The following MORN4 variants were observed in gnomAD, a reference collection of about 807,000 sequenced individuals.
MORN4 encodes the protein MORN repeat-containing protein 4.
Under a neutral mutation model 16.4 loss-of-function variants are expected in MORN4, and 8 were observed. The ratio of observed to expected loss-of-function variants is 0.49; its 90% CI spans 0.29 to 0.88. The LOEUF (loss-of-function observed/expected upper bound fraction) is 0.88, where lower values mean the gene tolerates loss of function less well. MORN4 is among the 40% of genes least tolerant of loss of function. The probability of loss-of-function intolerance (pLI) is 0.09; values close to 1 mark genes in which losing one functional copy is unlikely to be tolerated. For missense variants in MORN4, 159 were observed against 182.9 expected (o/e 0.87, Z 0.75); for synonymous variants, 53 against 68.9 (o/e 0.77, Z 1.14).
chr10:97,619,612 C>T lies in MORN4; in HGVS notation c.42G>A (p.Glu14=), dbSNP rs776193787. 21 of 1,613,884 alleles carry T rather than the reference C, an allele frequency of 1.3e-5. No individual in the cohort carries two copies. The South Asian group carries it at 1.8e-4, about 13-fold the overall frequency. Residue 14 remains glutamate, a synonymous_variant, in exon 2 of 5, where the codon GAG becomes GAA. Coordinates refer to ENST00000307450, the MANE Select transcript of MORN4 (RefSeq NM_178832.4). ...CCTCCTTCCACTCGCCACGATATTC[C>T]TCCCCACTGGAGTAGGTGAAGGAAC... ...TKGSFTYSSG[E]EYRGEWKEGR... is the part of the protein sequence containing the mutation.
intron 1 of MORN4, among the ~76,000 whole-genome samples, chr10:97,626,018 C>T (rs934888939): frequency 2.0e-5 from 3 of 151,672 alleles, no homozygotes; most frequent in East Asian, 1.9e-4. Context: ...CCTTGGCCTC[C>T]GAAAGTGCTA....
In MORN4 at chr10:97,633,065, C is replaced by T. The variant is rs1457030353; in HGVS notation, c.-31+282G>A. 1.3e-5 allele frequency among the ~76,000 whole-genome samples: 2 copies of T among 152,298 alleles called. No individual in the cohort carries two copies. Among genetic ancestry groups the T allele is most frequent in the African/African-American group, 2.4e-5 (1 of 41,564 alleles). On this transcript the variant is annotated intron_variant, in intron 1 of 4. Transcript: ENST00000307450. The surrounding 1 kb of genome is among the most constrained non-coding windows in gnomAD (Gnocchi z 4.5). ...CCTGCTATCCGGGCCCGCTCTCCCGCCCGGCAGGGTCTAACGCTCACACAG... is the reference window on the plus strand; with the variant it reads ...CCTGCTATCCGGGCCCGCTCTCCCGTCCGGCAGGGTCTAACGCTCACACAG...
At chr10:97,620,087 A>C (rs986799926) in intron 1 of MORN4, among the ~76,000 whole-genome samples, 2 of 152,148 alleles carry the variant, frequency 1.3e-5, no homozygotes, top group Non-Finnish European at 2.9e-5. Flanking sequence ...TAATGTGATT[A>C]AGTGCCAACT....
chr10:97,633,595 CG>C (rs1479799123), upstream of MORN4: 1 of 1,289,302 alleles, frequency 7.8e-7, no homozygotes, highest in Non-Finnish European at 1.0e-6. This position sits in a 1 kb window ranked among gnomAD's most constrained non-coding sequence, Gnocchi z 4.5. Flanking sequence ...CATCTTTGTG[CG>C]GGGCCGAGTG....
In MORN4 at chr10:97,617,217, T is replaced by C. The variant is rs2041243829; in HGVS notation, c.173A>G (p.Asp58Gly). ...FNGFGVLTFS[D>G]GSRYEGEFAQ... ...ATGACCTCATACCCACCTTGAACCA[T>C]CTGAGAAGGTCAATACCCCAAAGCC... The change falls in exon 3 of 5, where the codon GAT becomes GGT. Residue 58 changes from aspartate (D) to glycine (G), a missense_variant. Transcript: ENST00000307450. 6.2e-7 allele frequency: 1 copy of C among 1,613,698 alleles called. No homozygotes were observed.
chr10:97,622,623 A>G (rs952040242), intron 1 of MORN4, among the ~76,000 whole-genome samples: 6 of 145,808 alleles, frequency 4.1e-5, no homozygotes, highest in East Asian at 2.2e-4. Context: ...TGAACCCAGG[A>G]GGCAGAAGTG....
chr10:97,627,229 C>T (rs1459184759), intron 1 of MORN4, among the ~76,000 whole-genome samples: 2 of 151,954 alleles, frequency 1.3e-5, no homozygotes, highest in South Asian at 2.1e-4. Context: ...CTGCAACCTT[C>T]GTCTCCTGGG....
chr10:97,616,295 C>T lies in MORN4; in HGVS notation c.409G>A (p.Ala137Thr), dbSNP rs150577682. 23 of 1,608,244 alleles carry T rather than the reference C, an allele frequency of 1.4e-5. No homozygotes were observed. Among genetic ancestry groups the T allele is most frequent in the South Asian group, 4.4e-5 (4 of 90,328 alleles). Residue 137 changes from alanine to threonine, a missense_variant, in exon 5 of 5, where the codon GCC (alanine) becomes ACC (threonine). Ala to Thr is a moderately conservative substitution (Grantham distance 58). Coordinates refer to ENST00000307450, the MANE Select transcript of MORN4 (RefSeq NM_178832.4). ...CSAIVQRAQS[A>T]SKSARNLTA Reference sequence around the variant, plus strand: ...GTGAGATTTCTGGCTGACTTGGAGGCGCTCTGGGCCCGCTGAACAATGGCA... The same window carrying T: ...GTGAGATTTCTGGCTGACTTGGAGGTGCTCTGGGCCCGCTGAACAATGGCA...
At chr10:97,626,524 C>G (rs1186539789) in intron 1 of MORN4, among the ~76,000 whole-genome samples, 1 of 148,802 alleles carries the variant, frequency 6.7e-6, no homozygotes, top group South Asian at 2.1e-4. Flanking sequence ...GGTGCAATGT[C>G]GGCTCACTGC....
chr10:97,623,659 C>T (rs2041323697), intron 1 of MORN4, among the ~76,000 whole-genome samples: 1 of 152,098 alleles, frequency 6.6e-6, no homozygotes, highest in Non-Finnish European at 1.5e-5. Context: ...CCTCCAATCC[C>T]CTCTTAGACT....
intron 2 of MORN4, among the ~76,000 whole-genome samples, chr10:97,618,250 C>A (rs1292127940): frequency 1.3e-5 from 2 of 148,724 alleles, no homozygotes; most frequent in Non-Finnish European, 3.0e-5. Flanking sequence ...TATGTGCCAG[C>A]CTCTCTTCTT....
chr10:97,631,190 A>T (rs751980620), intron 1 of MORN4, among the ~76,000 whole-genome samples: 5 of 152,202 alleles, frequency 3.3e-5, no homozygotes, highest in Non-Finnish European at 5.9e-5. Flanking sequence ...TATTTCTATC[A>T]GTTATCCAAA....
chr10:97,617,130 C>T (rs748328954), intron 3 of MORN4, 78 bp downstream of exon 3: 2 of 1,092,522 alleles, frequency 1.8e-6, no homozygotes, highest in African/African-American at 3.1e-5. Flanking sequence ...CAGGATTGAC[C>T]AGATATTTAC....
intron 1 of MORN4, among the ~76,000 whole-genome samples, chr10:97,622,586 T>C (rs1015378885): frequency 1.3e-5 from 2 of 151,298 alleles, no homozygotes; most frequent in Non-Finnish European, 2.9e-5. Flanking sequence ...TCCCAGCTAC[T>C]TGGGAGGCTG....
chr10:97,616,170 A>G lies in MORN4; in HGVS notation c.*93T>C, dbSNP rs1329775314. 1.5e-6 allele frequency: 2 copies of G among 1,320,762 alleles called. No individual in the cohort carries two copies. Among genetic ancestry groups the G allele is most frequent in the African/African-American group, 3.0e-5 (2 of 67,284 alleles). The allele number at this position is 1,320,762 out of a possible 1,614,324, so 81.8% of individuals were successfully genotyped here. ...GGCCTCTGCTCCACTGTCATTGTCAACTCATCTCAGCTCTGATTCATTTGT... is the reference window on the plus strand; with the variant it reads ...GGCCTCTGCTCCACTGTCATTGTCAGCTCATCTCAGCTCTGATTCATTTGT... On this transcript the variant is annotated 3_prime_UTR_variant, in exon 5 of 5. Transcript: ENST00000307450.
chr10:97,616,597 C>T (rs1043817662), intron 4 of MORN4, 81 bp downstream of exon 4: 22 of 1,317,974 alleles, frequency 1.7e-5, no homozygotes, highest in Admixed American at 3.4e-5. Context: ...GCTGGACACC[C>T]GCAGGATTAA....
chr10:97,614,884 G>A lies in MORN4; in HGVS notation c.*1379C>T, dbSNP rs993504602. The A allele has an allele frequency of 1.3e-5, 2 of 152,514 alleles. No individual in the cohort carries two copies. Among genetic ancestry groups the A allele is most frequent in the African/African-American group, 4.8e-5 (2 of 41,438 alleles). The allele number at this position is 152,514 out of a possible 1,614,324, so 9.4% of individuals were successfully genotyped here. On this transcript the variant is annotated 3_prime_UTR_variant, in exon 5 of 5. Coordinates refer to ENST00000307450, the MANE Select transcript of MORN4 (RefSeq NM_178832.4). ...AATTCTACCAAAACCCCAGGGGTTC[G>A]GGTGAGTCTGATTTATTGGTCCACT...
intron 3 of MORN4, 114 bp downstream of exon 3, chr10:97,617,092 CTG>C (rs2041242350): frequency 7.3e-6 from 6 of 822,808 alleles, no homozygotes; most frequent in Non-Finnish European, 1.2e-5. Context: ...TATTACTCAT[CTG>C]TGTTCTGCAG....
intron 2 of MORN4, 88 bp downstream of exon 2, chr10:97,619,499 A>T (rs1326917132): frequency 1.1e-6 from 1 of 888,382 alleles, no homozygotes; most frequent in South Asian, 1.3e-5. Flanking sequence ...GAAAATGAAG[A>T]TCCATAAAGT....
Sources: gnomAD v4.1 joint callset for allele counts (sites outside exome capture counted in the v4.1 genomes callset) on GRCh38, gnomAD v4.1.1 for gene constraint, Gnocchi (gnomAD v3.1) non-coding constraint, MANE v1.5 for transcripts, NCBI Gene and HGNC (gene_info 2026-07-23, HGNC 2026-07-21) for gene names.